TMEM260: variants seen among roughly 807,000 people sequenced by gnomAD.
TMEM260 encodes protein O-mannosyl-transferase TMEM260.
A neutral mutation model predicts 88.9 loss-of-function variants in TMEM260; 82 were observed. That is an observed-to-expected ratio of 0.92 (90% CI 0.77 to 1.11). The LOEUF is 1.11. TMEM260 is among the 50% of genes least tolerant of loss of function. The pLI, the probability that TMEM260 is intolerant of heterozygous loss-of-function variation, is 0.00. For missense variants in TMEM260, 902 were observed against 853.4 expected, an observed-to-expected ratio of 1.06 and a Z score of -0.71; for synonymous variants, 314 against 309.3, an observed-to-expected ratio of 1.02 and a Z score of -0.16.
At chr14:56,650,437 A>T (rs1223224877), downstream of TMEM260, 1 of 176,666 alleles carries the variant, frequency 5.7e-6, no homozygotes, top group Non-Finnish European at 1.2e-5. Flanking sequence ...GTTGCCTCTG[A>T]TAGGAGTATG....
chr14:56,653,736 C>CAAAAAAAAAAAAAAAA (rs10522889), downstream of TMEM260, among the ~76,000 whole-genome samples: 75 of 66,452 alleles, frequency 1.1e-3, 1 homozygote, highest in African/African-American at 2.4e-3. Flanking sequence ...CTCTTGTCTC[C>CAAAAAAAAAAAAAAAA]AAAACAAAAA....
At chr14:56,659,461 G>C in the TMEM260 span, among the ~76,000 whole-genome samples, 1 of 152,192 alleles carries the variant, frequency 6.6e-6, no homozygotes, top group African/African-American at 2.4e-5. Context: ...CTAGTCGTTA[G>C]GGTAGGTAGC....
chr14:56,655,850 T>C, the TMEM260 span, among the ~76,000 whole-genome samples: 4 of 152,094 alleles, frequency 2.6e-5, no homozygotes, highest in Admixed American at 6.6e-5. Flanking sequence ...CTCTTAAAGC[T>C]CCCATAGCCA....
At chr14:56,657,215 C>A in the TMEM260 span, among the ~76,000 whole-genome samples, 23 of 152,276 alleles carry the variant, frequency 1.5e-4, no homozygotes, top group Admixed American at 1.4e-3. Flanking sequence ...TCAAAACCAT[C>A]CTGGGGGATA....
At chr14:56,581,857 T>G (rs75035035) in intron 1 of TMEM260, among the ~76,000 whole-genome samples, 1,672 of 152,382 alleles carry the variant, frequency 0.011, 18 homozygotes, top group Middle Eastern at 0.048. Flanking sequence ...GAAATTCTTT[T>G]CTAAATCCAC....
chr14:56,585,114 A>G, intron 2 of TMEM260, 82 bp downstream of exon 2: 1 of 1,299,382 alleles, frequency 7.7e-7, no homozygotes, highest in Non-Finnish European at 1.1e-6. Flanking sequence ...CATGGAGTAA[A>G]GTAGATTAAT....
At chr14:56,616,764 C>CTT (rs933674541) in intron 8 of TMEM260, among the ~76,000 whole-genome samples, 33 of 152,116 alleles carry the variant, frequency 2.2e-4, no homozygotes, top group African/African-American at 7.9e-4. Flanking sequence ...ATTTTTAAGG[C>CTT]TTCCGATATA....
At chr14:56,585,140 C>T (rs530608043) in intron 2 of TMEM260, 108 bp downstream of exon 2, 99 of 995,782 alleles carry the variant, frequency 9.9e-5, no homozygotes, top group African/African-American at 8.2e-4. Context: ...TTCAAACCCC[C>T]GTTTTTAGTA....
At chr14:56,629,541 C>T (rs778534904) in intron 12 of TMEM260, among the ~76,000 whole-genome samples, 1 of 151,882 alleles carries the variant, frequency 6.6e-6, no homozygotes, top group Non-Finnish European at 1.5e-5. Context: ...TTCTTCAATC[C>T]TGATATTCCA....
At chr14:56,656,208 G>C in the TMEM260 span, among the ~76,000 whole-genome samples, 1 of 152,160 alleles carries the variant, frequency 6.6e-6, no homozygotes, top group Admixed American at 6.5e-5. Flanking sequence ...CTTGAGGCCA[G>C]GAGTTTGAGA....
chr14:56,593,891 G>C (rs1886037960), intron 3 of TMEM260, among the ~76,000 whole-genome samples: 1 of 151,204 alleles, frequency 6.6e-6, no homozygotes, highest in African/African-American at 2.4e-5. Context: ...GTTTCACCTT[G>C]TTAGCCAGGA....
At chr14:56,598,277 GA>G (rs1886368305) in intron 3 of TMEM260, among the ~76,000 whole-genome samples, 1 of 152,144 alleles carries the variant, frequency 6.6e-6, no homozygotes, top group Non-Finnish European at 1.5e-5. Flanking sequence ...GCCAAAAAAG[GA>G]AAACCAGGGG....
At chr14:56,624,116 A>T (rs1478767165) in intron 11 of TMEM260, among the ~76,000 whole-genome samples, 1 of 152,238 alleles carries the variant, frequency 6.6e-6, no homozygotes, top group Non-Finnish European at 1.5e-5. Context: ...AGAGTTTTTA[A>T]CTTTGAGGCC....
rs770332114 is a variant in TMEM260, at chr14:56,603,992, G to A, written c.522G>A (p.Lys174=). The A allele has an allele frequency of 1.3e-6, 2 of 1,539,166 alleles. No homozygotes were observed. The highest frequency in any genetic ancestry group is 1.7e-6 in the Non-Finnish European group (2 of 1,148,676). ...EEAATAKERS[K]VAKIGAFCCG... ...CAGCAACTGCTAAGGAGAGATCAAAGGTAACCTATTTTGATCAAAGTGAAA... is the reference window on the plus strand; with the variant it reads ...CAGCAACTGCTAAGGAGAGATCAAAAGTAACCTATTTTGATCAAAGTGAAA... The change falls in exon 4 of 16, where the codon AAG becomes AAA. Residue 174 remains lysine (K), a splice_region_variant and synonymous_variant. Transcript: ENST00000261556.
chr14:56,634,785 T>C, intron 13 of TMEM260, 114 bp from the exon 14 acceptor site: 1 of 866,250 alleles, frequency 1.2e-6, no homozygotes, highest in Non-Finnish European at 1.9e-6. Context: ...GAGGTTGCAG[T>C]GAGCCAAGAT....
At chr14:56,585,995 A>C in intron 3 of TMEM260, 83 bp downstream of exon 3, 1 of 1,423,240 alleles carries the variant, frequency 7.0e-7, no homozygotes, top group Non-Finnish European at 9.5e-7. Context: ...CATTAAAAAA[A>C]TCTTTTGTTG....
chr14:56,633,313 A>C, intron 13 of TMEM260, 142 bp downstream of exon 13: 1 of 614,022 alleles, frequency 1.6e-6, no homozygotes, highest in South Asian at 2.3e-5. Context: ...AAATACCATA[A>C]AACAACAGAA....
intron 3 of TMEM260, among the ~76,000 whole-genome samples, chr14:56,601,864 G>A (rs1361042110): frequency 6.6e-6 from 1 of 152,034 alleles, no homozygotes; most frequent in Non-Finnish European, 1.5e-5. Flanking sequence ...CATTCTTTGA[G>A]CACTTACTTA....
chr14:56,603,207 C>G (rs2139550441), intron 3 of TMEM260, among the ~76,000 whole-genome samples: 1 of 151,618 alleles, frequency 6.6e-6, no homozygotes, highest in South Asian at 2.1e-4. Flanking sequence ...ACATTCCCAT[C>G]TTCTTCTTTA....
Sources: gnomAD v4.1 joint callset for allele counts (sites outside exome capture counted in the v4.1 genomes callset) on GRCh38, gnomAD v4.1.1 for gene constraint, MANE v1.5 for transcripts, NCBI Gene and HGNC (gene_info 2026-07-23, HGNC 2026-07-21) for gene names.